Variants in PTPN11 observed in about 807,000 individuals in gnomAD.
PTPN11 encodes the protein protein tyrosine phosphatase non-receptor type 11.
A neutral mutation model predicts 78.8 loss-of-function variants in PTPN11; 6 were observed. That is an observed-to-expected ratio of 0.08 (90% confidence interval 0.04 to 0.15). The LOEUF is 0.15. PTPN11 is among the 10% of genes least tolerant of loss of function. The pLI, the probability that PTPN11 is intolerant of heterozygous loss-of-function variation, is 1.00. For synonymous variants in PTPN11, 221 were observed against 263.5 expected (o/e 0.84, Z 1.56); for missense variants, 386 against 744.8 (o/e 0.52, Z 5.61).
At chr12:112,501,420 A>C (rs2038873276) in intron 13 of PTPN11, among the ~76,000 whole-genome samples, 1 of 152,160 alleles carries the variant, frequency 6.6e-6, no homozygotes, top group Non-Finnish European at 1.5e-5. Flanking sequence ...TCAGGAGTTC[A>C]AGACCAGCCT....
chr12:112,493,690 C>T (rs370647384), intron 13 of PTPN11, among the ~76,000 whole-genome samples: 1 of 152,106 alleles, frequency 6.6e-6, no homozygotes, highest in South Asian at 2.1e-4. Flanking sequence ...CACCCAGCCA[C>T]ATTACGTTAG....
chr12:112,431,354 C>A (rs1353290488), intron 1 of PTPN11, among the ~76,000 whole-genome samples: 1 of 152,156 alleles, frequency 6.6e-6, no homozygotes, highest in African/African-American at 2.4e-5. Flanking sequence ...ATGATCACAC[C>A]ACTGCACTCC....
rs2038914908 is a variant in PTPN11 at position 112,504,839 on chromosome 12, T to C, written c.*32+43T>C. The C allele has an allele frequency of 1.6e-6, 2 of 1,265,124 alleles. No homozygotes were observed. The highest frequency in any genetic ancestry group is 2.3e-6 in the Non-Finnish European group (2 of 876,996). The allele number at this position is 1,265,124 out of a possible 1,614,324, so 78.4% of individuals were successfully genotyped here. On this transcript the variant is annotated intron_variant, in intron 15 of 15. Transcript: ENST00000351677. This position sits in a 1 kb window ranked among gnomAD's most constrained non-coding sequence, Gnocchi z 4.7. Reference sequence around the variant, plus strand: ...CTCTATTGGTTAATTGTTTATATAATTGGCAGTATTTTTAAGCAGGCAAGC... The same window carrying C: ...CTCTATTGGTTAATTGTTTATATAACTGGCAGTATTTTTAAGCAGGCAAGC...
chr12:112,419,993 A>G (rs1594120832), intron 1 of PTPN11, among the ~76,000 whole-genome samples: 1 of 152,356 alleles, frequency 6.6e-6, no homozygotes. Flanking sequence ...GATGGCTACT[A>G]TTATCCCCAT....
intron 2 of PTPN11, among the ~76,000 whole-genome samples, chr12:112,448,818 A>G (rs2038032411): frequency 6.6e-6 from 1 of 152,218 alleles, no homozygotes. Flanking sequence ...GTGCTTTGGG[A>G]TAACACTACC....
In PTPN11 at chr12:112,502,365, G is replaced by A. The variant is rs150737668; in HGVS notation, c.1712+109G>A. The stretch of plus-strand genomic sequence containing the variant: ...AGTTTGTAGCACATGCCTTTCACTG[G>A]TGCACGTTCCTGTTGCCCTACTGTT... On this transcript the variant is annotated intron_variant, in intron 14 of 15. Transcript: ENST00000351677. 2.3e-4 allele frequency: 203 copies of A among 868,608 alleles called. 3 individuals are homozygous for A. The African/African-American group carries it at 3.0e-3, about 13-fold the overall frequency. 53.8% of individuals were successfully genotyped at this position (868,608 alleles called of 1,614,324 possible).
At chr12:112,429,091 T>C (rs1378327737) in intron 1 of PTPN11, among the ~76,000 whole-genome samples, 1 of 152,162 alleles carries the variant, frequency 6.6e-6, no homozygotes, top group African/African-American at 2.4e-5. Context: ...TCCAGAGCCA[T>C]GAAGAAGTGT....
chr12:112,439,554 C>T (rs1201188485), intron 1 of PTPN11, among the ~76,000 whole-genome samples: 3 of 151,896 alleles, frequency 2.0e-5, no homozygotes, highest in African/African-American at 2.4e-5. Context: ...CTGTAACCTT[C>T]GTCTCCTGGG....
intron 13 of PTPN11, among the ~76,000 whole-genome samples, chr12:112,494,460 T>TA (rs2038789777): frequency 6.6e-6 from 1 of 151,552 alleles, no homozygotes; most frequent in South Asian, 2.1e-4. Context: ...ATGGGCACCT[T>TA]ACTACTATTT....
intron 6 of PTPN11, among the ~76,000 whole-genome samples, chr12:112,462,923 A>G (rs1323645690): frequency 6.6e-6 from 1 of 152,186 alleles, no homozygotes; most frequent in Non-Finnish European, 1.5e-5. Flanking sequence ...TACTGGTAAT[A>G]TTAACATTTT....
chr12:112,490,303 T>TC (rs1190639117), intron 13 of PTPN11, among the ~76,000 whole-genome samples: 21 of 147,524 alleles, frequency 1.4e-4, no homozygotes, highest in Non-Finnish European at 2.1e-4. Context: ...TTCAGGGATG[T>TC]CTTTTTTTTT....
At chr12:112,474,581 C>T (rs961031331) in intron 7 of PTPN11, among the ~76,000 whole-genome samples, 20 of 151,428 alleles carry the variant, frequency 1.3e-4, no homozygotes, top group African/African-American at 4.8e-4. Context: ...GGAAAAAAGG[C>T]CTGGAAGGAT....
At chr12:112,488,839 T>C (rs1422532960) in intron 12 of PTPN11, among the ~76,000 whole-genome samples, 185 bp from the exon 13 acceptor site, 5 of 152,202 alleles carry the variant, frequency 3.3e-5, no homozygotes, top group Non-Finnish European at 7.4e-5. Flanking sequence ...ACTTCGTTAT[T>C]TATGTAGTCT....
intron 13 of PTPN11, among the ~76,000 whole-genome samples, chr12:112,492,549 G>A (rs1052609792): frequency 6.7e-6 from 1 of 148,464 alleles, no homozygotes; most frequent in Non-Finnish European, 1.5e-5. Flanking sequence ...ATGGAGTCTC[G>A]CACCGTCTCC....
chr12:112,453,888 C>T (rs1487459063), intron 4 of PTPN11, among the ~76,000 whole-genome samples: 1 of 151,778 alleles, frequency 6.6e-6, no homozygotes, highest in East Asian at 1.9e-4. Flanking sequence ...GCTCAAGAGG[C>T]CTGCCTCCTT....
chr12:112,458,455 C>T (rs1321235651), intron 6 of PTPN11, among the ~76,000 whole-genome samples: 2 of 152,202 alleles, frequency 1.3e-5, no homozygotes, highest in African/African-American at 4.8e-5. Context: ...AACAATTCTC[C>T]TGTCTTGGCC....
intron 9 of PTPN11, among the ~76,000 whole-genome samples, chr12:112,478,873 C>CA (rs1299879416): frequency 2.0e-5 from 3 of 152,170 alleles, no homozygotes; most frequent in Admixed American, 2.0e-4. Context: ...GCTGGGACTA[C>CA]AGGTGCGTGC....
intron 2 of PTPN11, 82 bp from the exon 3 acceptor site, chr12:112,450,236 C>T: frequency 2.3e-6 from 3 of 1,323,268 alleles, no homozygotes; most frequent in African/African-American, 1.4e-5. Context: ...TAGGTAAAAT[C>T]CGACGTGGAA....
intron 1 of PTPN11, among the ~76,000 whole-genome samples, chr12:112,420,279 C>T (rs748627922): frequency 6.6e-6 from 1 of 152,130 alleles, no homozygotes; most frequent in African/African-American, 2.4e-5. Context: ...CAATTATGGT[C>T]ACTGTCTCAG....
Sources: allele counts gnomAD v4.1 joint callset (sites outside exome capture counted in the v4.1 genomes callset), GRCh38; gene constraint gnomAD v4.1.1; non-coding constraint Gnocchi (gnomAD v3.1); transcripts MANE v1.5; gene names NCBI Gene and HGNC (gene_info 2026-07-23, HGNC 2026-07-21).